Variants in MED14 observed in about 807,000 individuals in gnomAD.
The protein encoded by MED14 is mediator of RNA polymerase II transcription subunit 14.
In MED14, 8 loss-of-function variants were observed where a neutral mutation model predicts 109.0. The ratio of observed to expected loss-of-function variants is 0.07; its 90% confidence interval spans 0.04 to 0.13. The LOEUF is 0.13. Among genes scored for constraint, MED14 ranks in the 10% least tolerant of loss-of-function variants. The probability of loss-of-function intolerance (pLI) is 1.00; values close to 1 mark genes in which losing one functional copy is unlikely to be tolerated. For missense variants in MED14, 711 were observed against 1,142.4 expected (o/e 0.62, Z 5.44); for synonymous variants, 399 against 408.7 (o/e 0.98, Z 0.29).
chrX:40,710,995 T>C (rs1264744139), intron 8 of MED14, among the ~76,000 whole-genome samples, 174 bp downstream of exon 8: 2 of 112,085 alleles, frequency 1.8e-5, no homozygotes, highest in Non-Finnish European at 3.8e-5. Context: ...AGGTTGGCCC[T>C]ATACGCAGGT....
At chrX:40,678,924 C>T (rs1248539877) in intron 21 of MED14, among the ~76,000 whole-genome samples, 2 of 112,169 alleles carry the variant, frequency 1.8e-5, no homozygotes, top group Non-Finnish European at 3.8e-5. Context: ...AGGCATTCTA[C>T]TTAGAGATAA....
Position 40,715,555 on chromosome X carries a change from G to C in MED14, c.349-845C>G, listed in dbSNP as rs766489818. Among the ~76,000 whole-genome samples, 30 of 110,382 alleles carry C rather than the reference G, an allele frequency of 2.7e-4. No individual in the cohort carries two copies. The South Asian group carries it at 0.012, about 42-fold the overall frequency. Reference sequence around the variant, plus strand: ...TAATCCCAGCACTTTGGGAGGCCAAGGTGGGCAGGTCACGAGGTCAGGAGA... The same window carrying C: ...TAATCCCAGCACTTTGGGAGGCCAACGTGGGCAGGTCACGAGGTCAGGAGA... On this transcript the variant is annotated intron_variant, in intron 3 of 30. Transcript: ENST00000324817.
chrX:40,727,426 T>C (rs1428387838), intron 2 of MED14, among the ~76,000 whole-genome samples: 2 of 111,732 alleles, frequency 1.8e-5, no homozygotes, highest in Non-Finnish European at 1.9e-5. Context: ...CAAACTTGGA[T>C]ACATTAAAAA....
At chrX:40,720,517 A>G in intron 3 of MED14, among the ~76,000 whole-genome samples, 1 of 111,904 alleles carries the variant, frequency 8.9e-6, no homozygotes, top group East Asian at 2.8e-4. Context: ...AAGCCTTGCT[A>G]ATGTTGGCCA....
At chrX:40,707,108 G>T (rs1415993402) in intron 10 of MED14, among the ~76,000 whole-genome samples, 2 of 55,339 alleles carry the variant, frequency 3.6e-5, no homozygotes, top group East Asian at 1.0e-3. Context: ...TACATAGATG[G>T]ATAGATAGAT....
intron 28 of MED14, among the ~76,000 whole-genome samples, chrX:40,656,339 G>A (rs910887564): frequency 8.9e-6 from 1 of 111,736 alleles, no homozygotes; most frequent in Non-Finnish European, 1.9e-5. Flanking sequence ...AATATCCCAA[G>A]GGGCTAACTT....
At chrX:40,708,218 G>A (rs1274249563) in intron 10 of MED14, among the ~76,000 whole-genome samples, 1 of 109,458 alleles carries the variant, frequency 9.1e-6, no homozygotes, top group East Asian at 2.9e-4. Context: ...GCCCATATTT[G>A]CATTTTTGTT....
intron 16 of MED14, among the ~76,000 whole-genome samples, chrX:40,684,564 G>A (rs1360995207): frequency 2.7e-5 from 3 of 112,159 alleles, no homozygotes; most frequent in Non-Finnish European, 5.6e-5. Flanking sequence ...CTACCTATCC[G>A]TTCTTCAACG....
At chrX:40,655,728 G>C (rs1273404695) in intron 28 of MED14, among the ~76,000 whole-genome samples, 1 of 111,757 alleles carries the variant, frequency 8.9e-6, no homozygotes, top group Non-Finnish European at 1.9e-5. Flanking sequence ...ATTTCTTTTT[G>C]ACATAAATAA....
intron 20 of MED14, among the ~76,000 whole-genome samples, chrX:40,680,487 C>T (rs147713920): frequency 0.015 from 1,664 of 111,500 alleles, 14 homozygotes; most frequent in Middle Eastern, 0.065. Flanking sequence ...GCACAATCAC[C>T]GCTCACTGCA....
In MED14 at chrX:40,716,651, C is replaced by G. The variant is rs142028477; in HGVS notation, c.349-1941G>C. Among the ~76,000 whole-genome samples the G allele has an allele frequency of 2.6e-3, 288 of 109,499 alleles. 2 individuals are homozygous for G. The highest frequency in any genetic ancestry group is 9.1e-3 in the African/African-American group (274 of 30,046). ...ATTACCATATGATCCAGCAATTCCACTGCTGAGTATATATATATTCAAGAG... is the reference window on the plus strand; with the variant it reads ...ATTACCATATGATCCAGCAATTCCAGTGCTGAGTATATATATATTCAAGAG... On this transcript the variant is annotated intron_variant, in intron 3 of 30. Transcript: ENST00000324817.
chrX:40,660,695 G>C (rs901384539), intron 26 of MED14, among the ~76,000 whole-genome samples: 6 of 112,494 alleles, frequency 5.3e-5, no homozygotes, highest in African/African-American at 1.9e-4. Flanking sequence ...TGAGGCCAAA[G>C]AGCTGAAAGC....
chrX:40,697,313 C>T (rs1930757316), intron 12 of MED14, 130 bp from the exon 13 acceptor site: 1 of 421,162 alleles, frequency 2.4e-6, no homozygotes, highest in Admixed American at 4.4e-5. Flanking sequence ...AATAAAAGGA[C>T]ACATGGCCAT....
At chrX:40,693,187 C>G (rs1041468807) in intron 13 of MED14, among the ~76,000 whole-genome samples, 1 of 111,523 alleles carries the variant, frequency 9.0e-6, no homozygotes, top group Non-Finnish European at 1.9e-5. Flanking sequence ...GATATTCACA[C>G]CTCAGCTTAT....
At chrX:40,654,184 C>T in intron 30 of MED14, 180 bp downstream of exon 30, 7 of 425,466 alleles carry the variant, frequency 1.6e-5, no homozygotes, top group Non-Finnish European at 2.8e-5. Flanking sequence ...AAATGAAGAA[C>T]CAGTGAGAAA....
intron 26 of MED14, among the ~76,000 whole-genome samples, chrX:40,662,394 T>A (rs779046212): frequency 3.6e-5 from 4 of 110,723 alleles, no homozygotes; most frequent in Non-Finnish European, 7.6e-5. Context: ...GCTAATTTTT[T>A]AAATTTTTTG....
chrX:40,700,755 G>A (rs1930906077), intron 12 of MED14, among the ~76,000 whole-genome samples: 2 of 112,010 alleles, frequency 1.8e-5, no homozygotes, highest in Admixed American at 1.9e-4. Context: ...TTGAATGACT[G>A]TATTCGAGAA....
At chrX:40,666,585 T>G (rs1929495523) in intron 24 of MED14, 135 bp downstream of exon 24, 6 of 667,365 alleles carry the variant, frequency 9.0e-6, no homozygotes, top group Non-Finnish European at 1.4e-5. Context: ...AAATTTGATT[T>G]TCTTTTTGCT....
intron 21 of MED14, among the ~76,000 whole-genome samples, chrX:40,675,839 T>G (rs1011483627): frequency 1.8e-5 from 2 of 112,109 alleles, no homozygotes; most frequent in Non-Finnish European, 3.8e-5. Context: ...CTTGAACCAT[T>G]AAGAGTGGGA....
Sources: allele counts gnomAD v4.1 joint callset (sites outside exome capture counted in the v4.1 genomes callset), GRCh38; gene constraint gnomAD v4.1.1; transcripts MANE v1.5; gene names NCBI Gene and HGNC (gene_info 2026-07-23, HGNC 2026-07-21).